Variants in SGCZ observed in about 807,000 individuals in gnomAD.
The protein encoded by SGCZ is zeta-sarcoglycan.
In SGCZ, 40 loss-of-function variants were observed where a neutral mutation model predicts 41.3. The observed-to-expected ratio is 0.97, with a 90% CI of 0.75 to 1.26. The LOEUF is 1.26. Among genes scored for constraint, SGCZ ranks in the 50% most tolerant of loss-of-function variants. The pLI is 0.00. For synonymous variants in SGCZ, 206 were observed against 137.5 expected, an observed-to-expected ratio of 1.50 and a Z score of -3.49; for missense variants, 552 against 369.8, an observed-to-expected ratio of 1.49 and a Z score of -4.04.
At chr8:14,428,165 T>C (rs1395953314) in intron 2 of SGCZ, among the ~76,000 whole-genome samples, 3 of 143,526 alleles carry the variant, frequency 2.1e-5, no homozygotes, top group Non-Finnish European at 4.7e-5. Flanking sequence ...CACACACACA[T>C]ACACACATGC....
intron 2 of SGCZ, among the ~76,000 whole-genome samples, chr8:14,434,532 C>A (rs1800033373): frequency 6.6e-6 from 1 of 152,086 alleles, no homozygotes; most frequent in African/African-American, 2.4e-5. Context: ...ATGGCAATTG[C>A]ATTGAATCTG....
chr8:15,108,712 T>C (rs181780137), intron 1 of SGCZ, among the ~76,000 whole-genome samples: 50 of 152,286 alleles, frequency 3.3e-4, no homozygotes, highest in Non-Finnish European at 6.0e-4. Context: ...TCGAAGATAT[T>C]TGAAAATTAA....
At chr8:14,699,442 C>A (rs1450602604) in intron 1 of SGCZ, among the ~76,000 whole-genome samples, 1 of 151,692 alleles carries the variant, frequency 6.6e-6, no homozygotes, top group Non-Finnish European at 1.5e-5. Flanking sequence ...GAATCTCTAC[C>A]TTTTACCATA....
At chr8:14,695,407 C>G (rs1808926673) in intron 1 of SGCZ, among the ~76,000 whole-genome samples, 1 of 151,934 alleles carries the variant, frequency 6.6e-6, no homozygotes, top group Non-Finnish European at 1.5e-5. Context: ...GTATCATTAG[C>G]AATATTGTGG....
chr8:14,974,304 T>C (rs1409878434), intron 1 of SGCZ, among the ~76,000 whole-genome samples: 2 of 152,224 alleles, frequency 1.3e-5, no homozygotes, highest in African/African-American at 2.4e-5. Context: ...ATATGTGATA[T>C]TGAACAATAT....
chr8:14,348,656 C>A (rs1404997349), intron 2 of SGCZ, among the ~76,000 whole-genome samples: 1 of 152,088 alleles, frequency 6.6e-6, no homozygotes, highest in Non-Finnish European at 1.5e-5. Context: ...GGCTTATTCT[C>A]CCAAGGAACG....
intron 1 of SGCZ, among the ~76,000 whole-genome samples, chr8:15,083,416 T>C (rs1425527877): frequency 6.6e-6 from 1 of 152,220 alleles, no homozygotes; most frequent in African/African-American, 2.4e-5. Context: ...AGGTAAATTA[T>C]TTGCCAAATT....
chr8:15,202,571 GC>G (rs1354880879), intron 1 of SGCZ, among the ~76,000 whole-genome samples: 1 of 152,046 alleles, frequency 6.6e-6, no homozygotes, highest in African/African-American at 2.4e-5. Context: ...GATGAGAGGT[GC>G]ACCAAAATCT....
At chr8:14,191,775 C>G (rs1178519615) in intron 4 of SGCZ, among the ~76,000 whole-genome samples, 1 of 152,092 alleles carries the variant, frequency 6.6e-6, no homozygotes, top group Non-Finnish European at 1.5e-5. Context: ...GGAAATTAAT[C>G]TTGATTATAT....
chr8:14,848,613 C>T (rs901540442), intron 1 of SGCZ, among the ~76,000 whole-genome samples: 6 of 152,140 alleles, frequency 3.9e-5, no homozygotes, highest in African/African-American at 1.4e-4. Flanking sequence ...GATAATCTTT[C>T]AACAAGTGGT....
At chr8:14,464,733 A>G (rs1801001022) in intron 2 of SGCZ, among the ~76,000 whole-genome samples, 2 of 151,560 alleles carry the variant, frequency 1.3e-5, no homozygotes, top group African/African-American at 2.4e-5. Flanking sequence ...TTATAACTAT[A>G]AATACGCCAT....
chr8:14,183,995 G>A (rs1209981018), intron 4 of SGCZ, among the ~76,000 whole-genome samples: 2 of 152,166 alleles, frequency 1.3e-5, no homozygotes, highest in East Asian at 3.9e-4. Context: ...TGAATACAAG[G>A]CCAATATATA....
At chr8:14,600,183 C>T (rs1241954128) in intron 1 of SGCZ, among the ~76,000 whole-genome samples, 2 of 152,146 alleles carry the variant, frequency 1.3e-5, no homozygotes, top group Non-Finnish European at 2.9e-5. Flanking sequence ...TCTCTTGGAT[C>T]TTATTCTGCC....
At chr8:14,524,298 T>C (rs772116563) in intron 2 of SGCZ, among the ~76,000 whole-genome samples, 4 of 151,988 alleles carry the variant, frequency 2.6e-5, no homozygotes, top group Middle Eastern at 3.4e-3. Flanking sequence ...GGAGTGGAAG[T>C]CCAGGATCCT....
At chr8:14,397,309 C>T (rs7812660) in intron 2 of SGCZ, among the ~76,000 whole-genome samples, 25,592 of 151,862 alleles carry the variant, frequency 0.17, 5,078 homozygotes, top group African/African-American at 0.48. Flanking sequence ...AAAACAAGCA[C>T]GAAAATTAAA....
intron 1 of SGCZ, among the ~76,000 whole-genome samples, chr8:14,853,019 G>T (rs188036767): frequency 2.7e-4 from 41 of 152,332 alleles, no homozygotes; most frequent in Non-Finnish European, 4.9e-4. Context: ...CCAGAGGCCA[G>T]CTCTGCTTCT....
intron 1 of SGCZ, among the ~76,000 whole-genome samples, chr8:15,167,855 G>T (rs549580499): frequency 6.6e-6 from 1 of 152,228 alleles, no homozygotes; most frequent in Admixed American, 6.5e-5. Flanking sequence ...CACGAGGGAT[G>T]GGTAATGTAC....
intron 1 of SGCZ, among the ~76,000 whole-genome samples, chr8:15,138,451 G>A (rs1289806020): frequency 6.6e-6 from 1 of 151,998 alleles, no homozygotes; most frequent in Non-Finnish European, 1.5e-5. Flanking sequence ...ATATGGTTGG[G>A]CGGCACCCCC....
intron 1 of SGCZ, among the ~76,000 whole-genome samples, chr8:14,864,748 A>T (rs1431890068): frequency 6.6e-6 from 1 of 152,158 alleles, no homozygotes; most frequent in Non-Finnish European, 1.5e-5. Context: ...GGATCTCCAT[A>T]CACATTTTTC....
Sources: allele counts gnomAD v4.1 joint callset (sites outside exome capture counted in the v4.1 genomes callset), GRCh38; gene constraint gnomAD v4.1.1; transcripts MANE v1.5; gene names NCBI Gene and HGNC (gene_info 2026-07-23, HGNC 2026-07-21).